The following LPA variants were observed in gnomAD, a reference collection of about 807,000 sequenced individuals.
The protein encoded by LPA is lipoprotein(a).
A neutral mutation model predicts 197.9 loss-of-function variants in LPA; 199 were observed. The ratio of observed to expected loss-of-function variants is 1.01; its 90% CI spans 0.90 to 1.13. The LOEUF is 1.13. Ranked by LOEUF, LPA falls within the 50% of genes most tolerant of loss-of-function variation. LPA has a pLI of 0.00. For missense variants in LPA, 1,853 were observed against 1,785.8 expected (o/e 1.04, Z -0.68); for synonymous variants, 715 against 639.5 (o/e 1.12, Z -1.78).
chr6:160,631,929 G>A (rs1488479416), intron 8 of LPA, among the ~76,000 whole-genome samples: 3 of 151,182 alleles, frequency 2.0e-5, no homozygotes, highest in East Asian at 3.9e-4. Flanking sequence ...TCAGGGGTGC[G>A]CGTGTCTGTG....
intron 30 of LPA, among the ~76,000 whole-genome samples, chr6:160,551,510 AC>A (rs1431643117): frequency 1.3e-5 from 2 of 152,180 alleles, no homozygotes; most frequent in Admixed American, 6.5e-5. Flanking sequence ...CTTAACAATG[AC>A]TTTTGGTAAG....
Position 160,572,572 on chromosome 6 carries a change from C to T in LPA, c.4631+4564G>A, listed in dbSNP as rs930796618. ...GGATTTGTTTCAAGATTTAGAGCTC[C>T]TTTTAGCAGTTCTTCTAGTGGTGAC... On this transcript the variant is annotated intron_variant, in intron 28 of 38. Transcript: ENST00000316300. 3.3e-5 allele frequency among the ~76,000 whole-genome samples: 5 copies of T among 151,230 alleles called. No homozygotes were observed. In the South Asian group the frequency reaches 1.1e-3, roughly 33 times the overall value.
intron 32 of LPA, among the ~76,000 whole-genome samples, chr6:160,545,748 C>G (rs923511660): frequency 6.6e-6 from 1 of 152,124 alleles, no homozygotes; most frequent in Non-Finnish European, 1.5e-5. Context: ...ACACCCTTAA[C>G]CAGGGTGTGG....
chr6:160,654,039 AT>A (rs1562354875), intron 1 of LPA, among the ~76,000 whole-genome samples: 3 of 14,980 alleles, frequency 2.0e-4, no homozygotes, highest in African/African-American at 1.2e-3. Context: ...TATATATTAT[AT>A]ATAATATATA....
At chr6:160,572,844 C>A (rs1778587345) in intron 28 of LPA, among the ~76,000 whole-genome samples, 1 of 152,104 alleles carries the variant, frequency 6.6e-6, no homozygotes, top group South Asian at 2.1e-4. Flanking sequence ...AAGATTCTTG[C>A]CTTCGTCTTA....
At chr6:160,574,863 T>C (rs1778626177) in intron 28 of LPA, among the ~76,000 whole-genome samples, 1 of 152,156 alleles carries the variant, frequency 6.6e-6, no homozygotes, top group African/African-American at 2.4e-5. Flanking sequence ...AAATTCACAA[T>C]ATGAGCCTCT....
chr6:160,559,334 A>G (rs1778323935), intron 28 of LPA, among the ~76,000 whole-genome samples: 1 of 152,364 alleles, frequency 6.6e-6, no homozygotes, highest in African/African-American at 2.4e-5. Context: ...TTTGAGCTCC[A>G]TCCATGCTAT....
chr6:160,577,399 C>T (rs995451679), intron 27 of LPA, 104 bp from the exon 28 acceptor site: 2 of 1,094,620 alleles, frequency 1.8e-6, no homozygotes, highest in Middle Eastern at 2.0e-4. Context: ...AAAATTATTA[C>T]TATTCTTTTT....
chr6:160,550,188 T>C (rs945930651), intron 30 of LPA, among the ~76,000 whole-genome samples: 2 of 145,422 alleles, frequency 1.4e-5, no homozygotes, highest in Non-Finnish European at 3.0e-5. Flanking sequence ...GCCATTACAC[T>C]CCTGCCTGGC....
intron 16 of LPA, among the ~76,000 whole-genome samples, chr6:160,607,191 C>T (rs550128899): frequency 2.0e-5 from 3 of 152,026 alleles, no homozygotes; most frequent in Non-Finnish European, 4.4e-5. Context: ...CTCAAAACCT[C>T]GCGAAAAGGC....
intron 32 of LPA, among the ~76,000 whole-genome samples, chr6:160,546,904 T>C (rs1778080534): frequency 1.3e-5 from 2 of 152,166 alleles, no homozygotes; most frequent in Admixed American, 1.3e-4. Context: ...AAGGGAAGTC[T>C]CATGGTGACC....
intron 29 of LPA, among the ~76,000 whole-genome samples, chr6:160,556,976 G>T (rs536934058): frequency 1.3e-5 from 2 of 151,954 alleles, no homozygotes; most frequent in Non-Finnish European, 1.5e-5. Flanking sequence ...ATCATATTAG[G>T]TTTCCCCAGG....
intron 28 of LPA, among the ~76,000 whole-genome samples, chr6:160,576,682 GTGTGTGTGTA>G (rs1181936838): frequency 4.2e-5 from 4 of 94,954 alleles, no homozygotes; most frequent in African/African-American, 1.2e-4. Context: ...GTGTGTGTGT[GTGTGTGTGTA>G]TATATATATA....
At chr6:160,598,638 C>G (rs1779176888) in intron 20 of LPA, among the ~76,000 whole-genome samples, 3 of 152,340 alleles carry the variant, frequency 2.0e-5, no homozygotes, top group Middle Eastern at 6.8e-3. Context: ...CTACCCGCCC[C>G]TTTTACTTTT....
intron 26 of LPA, among the ~76,000 whole-genome samples, chr6:160,582,931 A>C (rs1778828096): frequency 6.6e-6 from 1 of 152,078 alleles, no homozygotes; most frequent in South Asian, 2.1e-4. Flanking sequence ...AATATTTTCT[A>C]GTTAGCTTTA....
At chr6:160,609,048 T>G (rs1779422399) in intron 16 of LPA, among the ~76,000 whole-genome samples, 1 of 152,160 alleles carries the variant, frequency 6.6e-6, no homozygotes, top group Non-Finnish European at 1.5e-5. Context: ...TACTGTTACT[T>G]TCTTTTGATA....
chr6:160,657,082 T>C (rs1047220244), intron 1 of LPA, among the ~76,000 whole-genome samples: 3 of 152,212 alleles, frequency 2.0e-5, no homozygotes, highest in Non-Finnish European at 4.4e-5. Context: ...ATTCCCATTG[T>C]ATTTAAATTT....
chr6:160,647,849 A>AGG (rs1779929072), intron 2 of LPA, among the ~76,000 whole-genome samples: 1 of 152,254 alleles, frequency 6.6e-6, no homozygotes, highest in Non-Finnish European at 1.5e-5. Context: ...TCATTTAAAA[A>AGG]GATATAAACG....
chr6:160,609,289 T>A (rs941032536), intron 16 of LPA, among the ~76,000 whole-genome samples: 1 of 152,148 alleles, frequency 6.6e-6, no homozygotes, highest in African/African-American at 2.4e-5. Context: ...CAAGGCATTT[T>A]ATTGCTGGAT....
Sources: gnomAD v4.1 joint callset for allele counts (sites outside exome capture counted in the v4.1 genomes callset) on GRCh38, gnomAD v4.1.1 for gene constraint, MANE v1.5 for transcripts, NCBI Gene and HGNC (gene_info 2026-07-23, HGNC 2026-07-21) for gene names.